The following LCLAT1 variants were observed in gnomAD, a reference collection of about 807,000 sequenced individuals.
The protein encoded by LCLAT1 is lysocardiolipin acyltransferase 1.
A neutral mutation model predicts 30.7 loss-of-function variants in LCLAT1; 11 were observed. That is an observed-to-expected ratio of 0.36 (90% confidence interval 0.23 to 0.59). The LOEUF is 0.59. LCLAT1 is among the 20% of genes least tolerant of loss of function. LCLAT1 has a pLI of 0.77. For missense variants in LCLAT1, 402 were observed against 458.6 expected, an observed-to-expected ratio of 0.88 and a Z score of 1.13; for synonymous variants, 155 against 151.3, an observed-to-expected ratio of 1.02 and a Z score of -0.18.
chr2:30,621,433 G>A (rs564641157), intron 5 of LCLAT1, among the ~76,000 whole-genome samples: 169 of 152,216 alleles, frequency 1.1e-3, no homozygotes, highest in African/African-American at 3.7e-3. Flanking sequence ...AAAAAATGGC[G>A]GGTAGGAGGC....
At chr2:30,563,721 A>G (rs1665345844) in intron 4 of LCLAT1, among the ~76,000 whole-genome samples, 1 of 152,244 alleles carries the variant, frequency 6.6e-6, no homozygotes, top group Non-Finnish European at 1.5e-5. Context: ...CATACTATTC[A>G]TACTGTGCAC....
chr2:30,640,304 G>T lies in LCLAT1; in HGVS notation c.816G>T (p.Glu272Asp), dbSNP rs759355239. 1 of 1,614,234 alleles carries T rather than the reference G, an allele frequency of 6.2e-7. No homozygotes were observed. Among genetic ancestry groups the T allele is most frequent in the Non-Finnish European group, 8.5e-7 (1 of 1,180,036 alleles). Reference protein sequence around the residue: ...LQLWCHKRWEEKEERLRSFYQ... With the variant: ...LQLWCHKRWEDKEERLRSFYQ... ...TCTGGTGCCACAAACGGTGGGAAGA[G>T]AAAGAAGAGAGGCTGCGTTCCTTCT... is the stretch of plus-strand genomic sequence containing the variant. The change falls in exon 6 of 6, where the codon GAG becomes GAT. Residue 272 changes from glutamate (E) to aspartate (D), a missense_variant. Physicochemically the swap from Glu to Asp is conservative, Grantham distance 45. Coordinates refer to ENST00000379509, the MANE Select transcript of LCLAT1 (RefSeq NM_001002257.3).
intron 1 of LCLAT1, among the ~76,000 whole-genome samples, chr2:30,498,091 T>C (rs1246673629): frequency 1.3e-5 from 2 of 152,238 alleles, no homozygotes; most frequent in East Asian, 1.9e-4. Context: ...TTAAGGAGCA[T>C]GGACACCAAG....
At chr2:30,468,601 C>T (rs1682602592) in intron 1 of LCLAT1, among the ~76,000 whole-genome samples, 1 of 151,954 alleles carries the variant, frequency 6.6e-6, no homozygotes, top group South Asian at 2.1e-4. Context: ...GCATTGAGTA[C>T]ATTCATGTGT....
intron 1 of LCLAT1, among the ~76,000 whole-genome samples, chr2:30,500,657 T>C (rs1425168419): frequency 6.6e-6 from 1 of 152,170 alleles, no homozygotes. Context: ...TCATTGTGGG[T>C]AAACTACCCT....
At chr2:30,611,896 A>T (rs1276485679) in intron 5 of LCLAT1, among the ~76,000 whole-genome samples, 1 of 152,116 alleles carries the variant, frequency 6.6e-6, no homozygotes, top group Admixed American at 6.5e-5. Flanking sequence ...TCATGCCCAT[A>T]AGGCAGCAAT....
At position 30,640,528 on chromosome 2, in the gene LCLAT1, A is replaced by G. The variant is rs897446447; in HGVS notation, c.1040A>G (p.Glu347Gly). The G allele has an allele frequency of 4.3e-6, 7 of 1,614,036 alleles. No individual in the cohort carries two copies. The African/African-American group carries it at 6.7e-5, about 15-fold the overall frequency. The change falls in exon 6 of 6, where the codon GAG (glutamate) becomes GGG (glycine). Residue 347 changes from glutamate (E) to glycine (G), a missense_variant. Coordinates refer to ENST00000379509, the MANE Select transcript of LCLAT1 (RefSeq NM_001002257.3). ...IITIVIFVLQ[E>G]RIFGGLEIIE... ...ACCATTGTAATCTTTGTGCTGCAAG[A>G]GAGAATATTTGGTGGACTGGAGATC...
chr2:30,545,579 T>G (rs549482636), intron 3 of LCLAT1, among the ~76,000 whole-genome samples: 1 of 152,178 alleles, frequency 6.6e-6, no homozygotes, highest in Non-Finnish European at 1.5e-5. Flanking sequence ...GGTCAAGTTA[T>G]AAAGAGTTTT....
chr2:30,449,060 A>G (rs1490981601), intron 1 of LCLAT1, among the ~76,000 whole-genome samples: 1 of 152,182 alleles, frequency 6.6e-6, no homozygotes, highest in Non-Finnish European at 1.5e-5. Flanking sequence ...TGTGAGGCGG[A>G]TACATTTATT....
chr2:30,570,489 A>T lies in LCLAT1; in HGVS notation c.628+2313A>T, dbSNP rs1665732489. The stretch of plus-strand genomic sequence containing the variant: ...CTATGATCAATTCATCTTCACAACA[A>T]CTGTACATGGTAGTTATAAATATTT... On this transcript the variant is annotated intron_variant, in intron 5 of 5. Coordinates refer to ENST00000379509, the MANE Select transcript of LCLAT1 (RefSeq NM_001002257.3). Among the ~76,000 whole-genome samples, 3 of 152,186 alleles carry T rather than the reference A, an allele frequency of 2.0e-5. No homozygotes were observed. In the South Asian group the frequency reaches 6.2e-4, roughly 32 times the overall value.
Position 30,640,170 on chromosome 2 carries a change from C to G in LCLAT1, c.682C>G (p.Pro228Ala), listed in dbSNP as rs1321905874. 5 of 1,614,032 alleles carry G rather than the reference C, an allele frequency of 3.1e-6. No individual in the cohort carries two copies. The East Asian group carries it at 1.1e-4, about 36-fold the overall frequency. Residue 228 changes from proline to alanine, a missense_variant, in exon 6 of 6, where the codon CCT (proline) becomes GCT (alanine). Physicochemically the swap from Pro to Ala is conservative, Grantham distance 27 (BLOSUM62 -1). Transcript: ENST00000379509. ...DITVAYPHNIPQSEKHLLQGD... is the reference protein window; with the variant it reads ...DITVAYPHNIAQSEKHLLQGD... ...CACTGTGGCGTATCCTCACAACATT[C>G]CTCAATCAGAGAAGCACCTCCTCCA...
intron 5 of LCLAT1, among the ~76,000 whole-genome samples, chr2:30,630,193 C>T (rs1006676415): frequency 3.3e-5 from 5 of 152,168 alleles, no homozygotes; most frequent in East Asian, 1.9e-4. Flanking sequence ...GGTGTCCCCT[C>T]CTCTTCTTAT....
intron 1 of LCLAT1, among the ~76,000 whole-genome samples, chr2:30,511,570 A>G (rs1381221641): frequency 4.6e-5 from 7 of 152,332 alleles, no homozygotes; most frequent in South Asian, 4.1e-4. Flanking sequence ...ATTGCAGAAT[A>G]TTCTATAGGA....
rs1036115904 is a variant in LCLAT1 at position 30,643,425 on chromosome 2, T to C, written c.*2806T>C. 1.0e-4 allele frequency: 15 copies of C among 143,156 alleles called. No individual in the cohort carries two copies. Among genetic ancestry groups the C allele is most frequent in the African/African-American group, 4.0e-4 (15 of 37,590 alleles). The allele number at this position is 143,156 out of a possible 1,614,324, so 8.9% of individuals were successfully genotyped here. A position where few individuals can be genotyped will look rare whatever the true frequency, so the allele number is the denominator to read the frequency against. On this transcript the variant is annotated 3_prime_UTR_variant, in exon 6 of 6. Coordinates refer to ENST00000379509, the MANE Select transcript of LCLAT1 (RefSeq NM_001002257.3). Reference sequence around the variant, plus strand: ...TAATCCTAAAATTCATTAGAAGAACTTGATAAAAGACTCAAATAAATGTTA... The same window carrying C: ...TAATCCTAAAATTCATTAGAAGAACCTGATAAAAGACTCAAATAAATGTTA...
intron 1 of LCLAT1, among the ~76,000 whole-genome samples, chr2:30,479,887 C>T (rs1683241237): frequency 6.6e-6 from 1 of 152,174 alleles, no homozygotes; most frequent in South Asian, 2.1e-4. Context: ...ACCTCAGCTC[C>T]ACCACTGAAC....
rs1374920142 is a variant in LCLAT1, at chr2:30,538,380, T to C, written c.364+5066T>C. On this transcript the variant is annotated intron_variant, in intron 3 of 5. Transcript: ENST00000379509. The stretch of plus-strand genomic sequence containing the variant: ...AAAAAGAAAATTAGGCCAGGTGCAG[T>C]GCTCATGGCTTTACCACTTTGGGAG... Among the ~76,000 whole-genome samples the C allele has an allele frequency of 3.3e-5, 5 of 152,286 alleles. No homozygotes were observed. In the South Asian group the frequency reaches 8.3e-4, roughly 25 times the overall value.
At chr2:30,587,371 C>T (rs1025929285) in intron 5 of LCLAT1, among the ~76,000 whole-genome samples, 1 of 151,988 alleles carries the variant, frequency 6.6e-6, no homozygotes, top group African/African-American at 2.4e-5. Flanking sequence ...CTTTCTCATG[C>T]GGTTACTGTA....
rs144435169 is a variant in LCLAT1, at chr2:30,623,139, C to T, written c.629-16978C>T. ...CGTGCTCTCTGCTCACTGCAAGCTC[C>T]GCCTCCTGGATTCATGCCATTCTCC... On this transcript the variant is annotated intron_variant, in intron 5 of 5. Coordinates refer to ENST00000379509, the MANE Select transcript of LCLAT1 (RefSeq NM_001002257.3). Among the ~76,000 whole-genome samples, 1,006 of 150,814 alleles carry T rather than the reference C, an allele frequency of 6.7e-3. 10 individuals carry two copies. The highest frequency in any genetic ancestry group is 0.023 in the African/African-American group (932 of 40,936).
In LCLAT1 at chr2:30,554,475, T is replaced by A. The variant is rs540886169; in HGVS notation, c.365-7671T>A. 5.3e-5 allele frequency among the ~76,000 whole-genome samples: 8 copies of A among 152,352 alleles called. No homozygotes were observed. The South Asian group carries it at 1.2e-3, about 24-fold the overall frequency. Reference sequence around the variant, plus strand: ...TACCGTGATTTAAAAATATCAAGTCTGGTGTCAGACTGCCTGTGTTTAAAA... The same window carrying A: ...TACCGTGATTTAAAAATATCAAGTCAGGTGTCAGACTGCCTGTGTTTAAAA... On this transcript the variant is annotated intron_variant, in intron 3 of 5. Coordinates refer to ENST00000379509, the MANE Select transcript of LCLAT1 (RefSeq NM_001002257.3).
Sources: allele counts gnomAD v4.1 joint callset (sites outside exome capture counted in the v4.1 genomes callset), GRCh38; gene constraint gnomAD v4.1.1; transcripts MANE v1.5; gene names NCBI Gene and HGNC (gene_info 2026-07-23, HGNC 2026-07-21).